Variants in C2CD5 observed in about 807,000 individuals in gnomAD.
The protein encoded by C2CD5 is C2 calcium dependent domain containing 5.
A neutral mutation model predicts 130.3 loss-of-function variants in C2CD5; 109 were observed. The ratio of observed to expected loss-of-function variants is 0.84; its 90% CI spans 0.72 to 0.98. C2CD5 has a LOEUF of 0.98. Ranked by LOEUF, C2CD5 falls within the 50% of genes least tolerant of loss-of-function variation. The pLI is 0.00. For synonymous variants in C2CD5, 454 were observed against 429.2 expected (o/e 1.06, Z -0.71); for missense variants, 996 against 1,261.8 (o/e 0.79, Z 3.19).
rs1243209061 is a variant in C2CD5, at chr12:22,518,006, A to C, written c.932T>G (p.Leu311Trp). ...CTTACCAGTTTTGGGTGTCAAACTC[A>C]AATCTGTGTCAGAAGAAGAGGACTG... ...SRQSSSSDTD[L>W]SLTPKTGMGS... The change falls in exon 8 of 27, where the codon TTG becomes TGG. Residue 311 changes from leucine to tryptophan, a missense_variant. Coordinates refer to ENST00000446597, the MANE Select transcript of C2CD5 (RefSeq NM_001286176.2). The C allele has an allele frequency of 6.2e-7, 1 of 1,613,516 alleles. No individual in the cohort carries two copies. The highest frequency in any genetic ancestry group is 8.5e-7 in the Non-Finnish European group (1 of 1,179,764).
chr12:22,484,844 G>A lies in C2CD5; in HGVS notation c.1403C>T (p.Pro468Leu). 1 of 1,584,542 alleles carries A rather than the reference G, an allele frequency of 6.3e-7. No individual in the cohort carries two copies. Among genetic ancestry groups the A allele is most frequent in the Non-Finnish European group, 8.6e-7 (1 of 1,165,884 alleles). ...LPTRCGFCHI[P>L]YDELNMPFPA... ...AAATGGCATATTCAGTTCATCATAT[G>A]GTATATGACAAAATCCACAACGTGT... is the stretch of plus-strand genomic sequence containing the variant. The change falls in exon 13 of 27, where the codon CCA becomes CTA. Residue 468 changes from proline to leucine, a missense_variant. By Grantham distance (98) the Pro-to-Leu change is moderately conservative. Around this residue, in one of 9 missense-constraint regions of C2CD5, gnomAD observed 590 missense variants for 631.4 expected, o/e 0.93. Transcript: ENST00000446597.
At chr12:22,456,857 A>G in intron 25 of C2CD5, 114 bp downstream of exon 25, 1 of 610,610 alleles carries the variant, frequency 1.6e-6, no homozygotes, top group Non-Finnish European at 2.8e-6. Context: ...GATAATTAAA[A>G]TATAAATAAA....
intron 10 of C2CD5, among the ~76,000 whole-genome samples, chr12:22,504,201 C>A (rs982415247): frequency 6.6e-6 from 1 of 151,860 alleles, no homozygotes; most frequent in Non-Finnish European, 1.5e-5. Flanking sequence ...AAATACAACT[C>A]TCTACTTAAA....
Position 22,484,697 on chromosome 12 carries a change from C to T in C2CD5, c.1550G>A (p.Arg517Lys). ...CCGAGTGTTGTTTTCACAAACATAC[C>T]TTGCTTGAATAAGACAACCTTTTCC... ...VIGKGCLIQARLCRLKKKAQA... is the reference protein window; with the variant it reads ...VIGKGCLIQAKLCRLKKKAQA... The change falls in exon 13 of 27, where the codon AGG becomes AAG. Residue 517 changes from arginine to lysine, a missense_variant and splice_region_variant. Physicochemically the swap from Arg to Lys is conservative, Grantham distance 26. Around this residue, in one of 9 missense-constraint regions of C2CD5, gnomAD observed 590 missense variants for 631.4 expected, o/e 0.93. Transcript: ENST00000446597. 6.4e-7 allele frequency: 1 copy of T among 1,554,266 alleles called. No homozygotes were observed. The highest frequency in any genetic ancestry group is 8.7e-7 in the Non-Finnish European group (1 of 1,147,794).
intron 10 of C2CD5, among the ~76,000 whole-genome samples, chr12:22,493,662 A>C (rs1158190404): frequency 6.6e-6 from 1 of 152,100 alleles, no homozygotes; most frequent in Non-Finnish European, 1.5e-5. Context: ...TTAGAATTAG[A>C]CTAAGAGGAT....
intron 25 of C2CD5, among the ~76,000 whole-genome samples, chr12:22,456,130 G>T (rs16924963): frequency 0.021 from 3,205 of 152,284 alleles, 110 homozygotes; most frequent in African/African-American, 0.073. Context: ...TAAAGACAGT[G>T]TGCAGGCTGT....
chr12:22,530,101 TATATATATATACAC>T lies in C2CD5; in HGVS notation c.178-2223_178-2210del, dbSNP rs1272793144. Among the ~76,000 whole-genome samples the T allele has an allele frequency of 5.3e-4, 61 of 114,402 alleles. 1 individual carries two copies. The highest frequency in any genetic ancestry group is 1.9e-3 in the African/African-American group (51 of 26,252). The allele number at this position is 114,402 out of a possible 152,430, so 75.1% of individuals were successfully genotyped here. On this transcript the variant is annotated intron_variant, in intron 3 of 26. Transcript: ENST00000446597. ...CTATATATATATATATATATATATATATATATATATACACACACACACACACACACACACACACA... is the reference window on the plus strand; with the variant it reads ...CTATATATATATATATATATATATATACACACACACACACACACACACACA...
chr12:22,527,185 G>A (rs1342504648), intron 4 of C2CD5, among the ~76,000 whole-genome samples: 2 of 151,642 alleles, frequency 1.3e-5, no homozygotes, highest in African/African-American at 4.8e-5. Context: ...TTTAAATCAT[G>A]CATTTACTTA....
intron 9 of C2CD5, 113 bp downstream of exon 9, chr12:22,513,181 A>G (rs1949376142): frequency 2.9e-6 from 2 of 684,976 alleles, no homozygotes; most frequent in South Asian, 4.6e-5. Flanking sequence ...CAAAACTGCA[A>G]TATTATAGAT....
Position 22,482,647 on chromosome 12 carries a change from T to C in C2CD5, c.1647A>G (p.Leu549=). 2 of 1,612,738 alleles carry C rather than the reference T, an allele frequency of 1.2e-6. No homozygotes were observed. The highest frequency in any genetic ancestry group is 8.5e-7 in the Non-Finnish European group (1 of 1,178,808). The change falls in exon 14 of 27, where the codon CTA becomes CTG. Residue 549 remains leucine, a synonymous_variant. Coordinates refer to ENST00000446597, the MANE Select transcript of C2CD5 (RefSeq NM_001286176.2). ...TTCCTTTGAGTTTTAGTTTATTCAT[T>C]AGCTGAGTATGCACTTCATATTCCA... is the stretch of plus-strand genomic sequence containing the variant. ...PFMEYEVHTQ[L]MNKLKLKGMN... is the part of the protein sequence containing the mutation.
chr12:22,530,264 A>G (rs1951148721), intron 3 of C2CD5, among the ~76,000 whole-genome samples: 2 of 149,196 alleles, frequency 1.3e-5, no homozygotes, highest in Admixed American at 1.3e-4. Flanking sequence ...AACTGTGTAT[A>G]TATATATACA....
rs577362117 is a variant in C2CD5 at position 22,466,495 on chromosome 12, T to C, written c.2533+3214A>G. On this transcript the variant is annotated intron_variant, in intron 22 of 26. Transcript: ENST00000446597. ...CTTCCTATTTCCGCTAAATTGCTAT[T>C]TTTGAATTTTTCCAGACATTGCCTT... 6.6e-5 allele frequency among the ~76,000 whole-genome samples: 10 copies of C among 152,294 alleles called. No individual in the cohort carries two copies. In the East Asian group the frequency reaches 1.5e-3, roughly 24 times the overall value.
chr12:22,479,707 C>T (rs1237623888), intron 14 of C2CD5, among the ~76,000 whole-genome samples: 4 of 152,022 alleles, frequency 2.6e-5, no homozygotes, highest in African/African-American at 7.2e-5. Flanking sequence ...AATTAAATTA[C>T]TATTTAATAT....
At chr12:22,534,110 C>T (rs776290453) in intron 3 of C2CD5, among the ~76,000 whole-genome samples, 11 of 152,202 alleles carry the variant, frequency 7.2e-5, no homozygotes, top group Non-Finnish European at 1.0e-4. Context: ...ATCGCTTGAA[C>T]CCAGCAGGCG....
intron 26 of C2CD5, among the ~76,000 whole-genome samples, chr12:22,450,780 T>C (rs1052826692): frequency 1.3e-5 from 2 of 152,096 alleles, no homozygotes; most frequent in African/African-American, 4.8e-5. Flanking sequence ...CTGTATGTAT[T>C]AGCACAACAT....
At chr12:22,508,318 T>C (rs1202694253) in intron 9 of C2CD5, among the ~76,000 whole-genome samples, 4 of 152,110 alleles carry the variant, frequency 2.6e-5, no homozygotes, top group Non-Finnish European at 5.9e-5. Context: ...AGTGGTTAGG[T>C]ATAGCCCAGC....
chr12:22,470,002 T>C (rs1942765102), intron 21 of C2CD5, among the ~76,000 whole-genome samples: 1 of 152,130 alleles, frequency 6.6e-6, no homozygotes, highest in African/African-American at 2.4e-5. Context: ...GGTATGACTC[T>C]TGTGAAGCTT....
chr12:22,482,041 C>T (rs976652961), intron 14 of C2CD5, among the ~76,000 whole-genome samples: 1 of 152,052 alleles, frequency 6.6e-6, no homozygotes, highest in African/African-American at 2.4e-5. Context: ...TTTATCTTCT[C>T]CATCAAAACT....
At position 22,524,714 on chromosome 12, in the gene C2CD5, G is replaced by A. The variant is rs1950579563; in HGVS notation, c.446-87C>T. 5 of 846,416 alleles carry A rather than the reference G, an allele frequency of 5.9e-6. No individual in the cohort carries two copies. The South Asian group carries it at 8.1e-5, about 14-fold the overall frequency. The allele number at this position is 846,416 out of a possible 1,614,324, so 52.4% of individuals were successfully genotyped here. A position where few individuals can be genotyped will look rare whatever the true frequency, so the allele number is the denominator to read the frequency against. On this transcript the variant is annotated intron_variant, in intron 5 of 26. Coordinates refer to ENST00000446597, the MANE Select transcript of C2CD5 (RefSeq NM_001286176.2). ...GTACATCTCAATTTTCTGACCTTTA[G>A]ATACATAATACAAGAACATCTTTTA...
Sources: allele counts gnomAD v4.1 joint callset (sites outside exome capture counted in the v4.1 genomes callset), GRCh38; gene constraint gnomAD v4.1.1; regional missense constraint gnomAD v4.1.1; transcripts MANE v1.5; gene names NCBI Gene and HGNC (gene_info 2026-07-23, HGNC 2026-07-21).